The following TNR variants were observed in gnomAD, a reference collection of about 807,000 sequenced individuals.
TNR encodes tenascin-R.
Under a neutral mutation model 150.4 loss-of-function variants are expected in TNR, and 45 were observed. That is an observed-to-expected ratio of 0.30 (90% CI 0.24 to 0.38). The LOEUF is 0.38. TNR is among the 10% of genes least tolerant of loss of function. The pLI, the probability that TNR is intolerant of heterozygous loss-of-function variation, is 1.00. For missense variants in TNR, 1,544 were observed against 1,759.1 expected (o/e 0.88, Z 2.19); for synonymous variants, 687 against 678.4 (o/e 1.01, Z -0.20).
Position 175,396,803 on chromosome 1 carries a change from G to A in TNR, c.981C>T (p.Ala327=). The A allele has an allele frequency of 3.1e-6, 5 of 1,612,142 alleles. No homozygotes were observed. Among genetic ancestry groups the A allele is most frequent in the Non-Finnish European group, 4.2e-6 (5 of 1,178,474 alleles). ...GYQGPDCSAV[A]PPEDLRVAGI... The stretch of plus-strand genomic sequence containing the variant: ...CAGCCACTCGCAAGTCCTCTGGAGG[G>A]GCAACTACCGGGAGGCAATACACAG... The change falls in exon 5 of 23, where the codon GCC becomes GCT. Residue 327 remains alanine (A), a synonymous_variant. Coordinates refer to ENST00000367674, the MANE Select transcript of TNR (RefSeq NM_003285.3).
chr1:175,498,153 T>G, intron 2 of TNR, among the ~76,000 whole-genome samples: 1 of 152,146 alleles, frequency 6.6e-6, no homozygotes, highest in African/African-American at 2.4e-5. Context: ...TGCTTGGGTC[T>G]TGTAAAATTC....
At chr1:175,363,386 T>A (rs192564233) in intron 13 of TNR, among the ~76,000 whole-genome samples, 13 of 152,358 alleles carry the variant, frequency 8.5e-5, no homozygotes, top group African/African-American at 3.1e-4. Context: ...TTCATTCTTG[T>A]AGGAATATTC....
At chr1:175,476,578 G>A (rs1163653175) in intron 2 of TNR, among the ~76,000 whole-genome samples, 2 of 152,152 alleles carry the variant, frequency 1.3e-5, no homozygotes, top group Admixed American at 1.3e-4. Context: ...CTTTGCAGCT[G>A]TCTGAAATAA....
At chr1:175,688,369 A>G (rs980886602) in intron 1 of TNR, among the ~76,000 whole-genome samples, 1 of 152,228 alleles carries the variant, frequency 6.6e-6, no homozygotes, top group Non-Finnish European at 1.5e-5. Flanking sequence ...AGCTTTCTAA[A>G]TAACTGTGAT....
intron 1 of TNR, among the ~76,000 whole-genome samples, chr1:175,704,991 C>G (rs1310826398): frequency 2.0e-5 from 3 of 152,078 alleles, no homozygotes; most frequent in Non-Finnish European, 4.4e-5. Context: ...AACAGAGATG[C>G]AAAGAAGATA....
intron 1 of TNR, among the ~76,000 whole-genome samples, chr1:175,626,931 G>T (rs1252111040): frequency 2.6e-5 from 4 of 152,166 alleles, no homozygotes; most frequent in African/African-American, 9.7e-5. Flanking sequence ...AGTTAAGATT[G>T]CAGTGATGTC....
At chr1:175,331,074 T>TTCCTTCCTTCC (rs1649817987) in intron 20 of TNR, among the ~76,000 whole-genome samples, 3 of 101,282 alleles carry the variant, frequency 3.0e-5, no homozygotes, top group Admixed American at 1.0e-4. Context: ...TCTTTCTTTC[T>TTCCTTCCTTCC]TTCCTTCTTT....
intron 1 of TNR, among the ~76,000 whole-genome samples, chr1:175,667,916 A>G (rs1433430779): frequency 6.6e-6 from 1 of 152,232 alleles, no homozygotes; most frequent in Non-Finnish European, 1.5e-5. Flanking sequence ...CCAAAGAGAC[A>G]CAATCTACTC....
At chr1:175,688,103 C>T (rs1302371638) in intron 1 of TNR, among the ~76,000 whole-genome samples, 2 of 152,260 alleles carry the variant, frequency 1.3e-5, no homozygotes, top group African/African-American at 4.8e-5. Context: ...AGGAAACTGA[C>T]TTCTAATGAG....
intron 1 of TNR, among the ~76,000 whole-genome samples, chr1:175,558,803 C>T (rs1334415934): frequency 3.3e-5 from 5 of 151,994 alleles, no homozygotes; most frequent in South Asian, 2.1e-4. Context: ...AGCAGAGCAG[C>T]GAGAAATTTT....
chr1:175,631,204 A>G (rs1197629780), intron 1 of TNR, among the ~76,000 whole-genome samples: 3 of 152,242 alleles, frequency 2.0e-5, no homozygotes, highest in Non-Finnish European at 4.4e-5. Flanking sequence ...ATATGCACCT[A>G]CATACATGAA....
intron 1 of TNR, among the ~76,000 whole-genome samples, chr1:175,554,013 C>T (rs1382247151): frequency 6.6e-6 from 1 of 152,176 alleles, no homozygotes; most frequent in East Asian, 1.9e-4. Flanking sequence ...AAACAGGCCA[C>T]CTTTCTTCTC....
intron 1 of TNR, among the ~76,000 whole-genome samples, chr1:175,644,693 G>T (rs536211704): frequency 9.2e-5 from 14 of 152,314 alleles, no homozygotes; most frequent in African/African-American, 3.4e-4. Context: ...CCTTCTCCTG[G>T]CATGGGGCCA....
chr1:175,601,234 T>C (rs1558032165), intron 1 of TNR, among the ~76,000 whole-genome samples: 1 of 152,226 alleles, frequency 6.6e-6, no homozygotes, highest in South Asian at 2.1e-4. Flanking sequence ...CTGCAGCGGG[T>C]AGAGTTTGGG....
chr1:175,388,718 G>A (rs559704529), intron 7 of TNR, among the ~76,000 whole-genome samples: 35 of 152,272 alleles, frequency 2.3e-4, no homozygotes, highest in African/African-American at 7.9e-4. Flanking sequence ...AAGTAAACTG[G>A]AATAAATGTC....
intron 1 of TNR, among the ~76,000 whole-genome samples, chr1:175,687,422 G>A (rs1227737722): frequency 6.6e-6 from 1 of 152,054 alleles, no homozygotes; most frequent in Non-Finnish European, 1.5e-5. Context: ...CAAATGTTCA[G>A]TCTGCATTAG....
intron 2 of TNR, among the ~76,000 whole-genome samples, chr1:175,523,186 C>T (rs1659712476): frequency 6.6e-6 from 1 of 152,196 alleles, no homozygotes; most frequent in African/African-American, 2.4e-5. Flanking sequence ...CCAGCAGCGC[C>T]TCTGTCACTT....
At chr1:175,637,769 TC>T (rs1664533140) in intron 1 of TNR, among the ~76,000 whole-genome samples, 1 of 152,188 alleles carries the variant, frequency 6.6e-6, no homozygotes, top group Non-Finnish European at 1.5e-5. Context: ...AAATCTAATG[TC>T]CTCTAGGCTC....
intron 1 of TNR, among the ~76,000 whole-genome samples, chr1:175,721,695 G>A (rs1667305594): frequency 6.6e-6 from 1 of 152,074 alleles, no homozygotes; most frequent in Non-Finnish European, 1.5e-5. Context: ...CAGTGTTGAG[G>A]AACAAGCCTT....
Sources: allele counts gnomAD v4.1 joint callset (sites outside exome capture counted in the v4.1 genomes callset), GRCh38; gene constraint gnomAD v4.1.1; transcripts MANE v1.5; gene names NCBI Gene and HGNC (gene_info 2026-07-23, HGNC 2026-07-21).